ME1: variants seen among roughly 807,000 people sequenced by gnomAD.
The protein encoded by ME1 is NADP-dependent malic enzyme.
Under a neutral mutation model 66.4 loss-of-function variants are expected in ME1, and 74 were observed. That is an observed-to-expected ratio of 1.11 (90% CI 0.92 to 1.35). ME1 has a LOEUF of 1.35. Ranked by LOEUF, ME1 falls within the 40% of genes most tolerant of loss-of-function variation. ME1 has a pLI of 0.00. For synonymous variants in ME1, 251 were observed against 235.6 expected (o/e 1.07, Z -0.60); for missense variants, 750 against 694.1 (o/e 1.08, Z -0.90).
intron 6 of ME1, among the ~76,000 whole-genome samples, chr6:83,285,746 T>C (rs1767385542): frequency 1.3e-5 from 2 of 152,180 alleles, no homozygotes; most frequent in Admixed American, 6.5e-5. Context: ...TGGAATGCCA[T>C]TGAATGAAAC....
At position 83,282,896 on chromosome 6, in the gene ME1, T is replaced by C. The variant is rs1767324062; in HGVS notation, c.705-29158A>G. Among the ~76,000 whole-genome samples the C allele has an allele frequency of 3.3e-5, 5 of 152,116 alleles. No individual in the cohort carries two copies. In the South Asian group the frequency reaches 1.0e-3, roughly 32 times the overall value. On this transcript the variant is annotated intron_variant, in intron 6 of 13. Coordinates refer to ENST00000369705, the MANE Select transcript of ME1 (RefSeq NM_002395.6). ...AATGATAGACTGGGTAAAGAAAATGTGGCACATATACAACATGGATTACTA... is the reference window on the plus strand; with the variant it reads ...AATGATAGACTGGGTAAAGAAAATGCGGCACATATACAACATGGATTACTA...
chr6:83,384,901 T>C (rs1453521757), intron 3 of ME1, among the ~76,000 whole-genome samples: 2 of 151,974 alleles, frequency 1.3e-5, no homozygotes, highest in East Asian at 3.8e-4. Context: ...CCATTGTTTG[T>C]TATTGTTGAC....
At chr6:83,212,862 T>C (rs1789920269) in intron 13 of ME1, among the ~76,000 whole-genome samples, 1 of 152,108 alleles carries the variant, frequency 6.6e-6, no homozygotes, top group Non-Finnish European at 1.5e-5. Context: ...CATCATCATA[T>C]CACATCATGG....
chr6:83,406,653 C>A (rs1487043616), intron 2 of ME1, among the ~76,000 whole-genome samples: 1 of 152,130 alleles, frequency 6.6e-6, no homozygotes, highest in Non-Finnish European at 1.5e-5. Context: ...GGTGTATCAA[C>A]ATTTGGTCAA....
chr6:83,247,368 T>C (rs756212185), intron 7 of ME1, among the ~76,000 whole-genome samples: 1 of 152,144 alleles, frequency 6.6e-6, no homozygotes, highest in Non-Finnish European at 1.5e-5. Context: ...TTTTCCAGTT[T>C]AAAATAATTT....
At chr6:83,289,128 G>T in intron 6 of ME1, among the ~76,000 whole-genome samples, 1 of 152,308 alleles carries the variant, frequency 6.6e-6, no homozygotes, top group South Asian at 2.1e-4. Flanking sequence ...CTTCCTACTT[G>T]AATACCCCTT....
At chr6:83,341,514 A>C (rs1262787943) in intron 5 of ME1, among the ~76,000 whole-genome samples, 1 of 152,128 alleles carries the variant, frequency 6.6e-6, no homozygotes, top group Non-Finnish European at 1.5e-5. Context: ...GGGTACAGCT[A>C]AACTACCTTT....
chr6:83,411,219 C>A (rs1192073619), intron 1 of ME1, among the ~76,000 whole-genome samples: 2 of 152,098 alleles, frequency 1.3e-5, no homozygotes, highest in African/African-American at 2.4e-5. Context: ...CAAAAGTTAG[C>A]CGGGCGTGGT....
At chr6:83,368,620 C>T (rs1191848896) in intron 3 of ME1, among the ~76,000 whole-genome samples, 1 of 152,062 alleles carries the variant, frequency 6.6e-6, no homozygotes, top group African/African-American at 2.4e-5. Flanking sequence ...AATTAAAATG[C>T]CATATAACTA....
chr6:83,222,801 A>C (rs1790117797), intron 12 of ME1, among the ~76,000 whole-genome samples: 1 of 152,174 alleles, frequency 6.6e-6, no homozygotes, highest in South Asian at 2.1e-4. Context: ...AATTGTGGCT[A>C]ACTTGTTAGC....
chr6:83,235,901 A>T (rs1433789956), intron 9 of ME1, among the ~76,000 whole-genome samples: 2 of 152,088 alleles, frequency 1.3e-5, no homozygotes, highest in Non-Finnish European at 2.9e-5. Flanking sequence ...TATTAATTTT[A>T]AAAAACAAAT....
At chr6:83,403,356 G>A (rs1001285573) in intron 2 of ME1, among the ~76,000 whole-genome samples, 2 of 152,270 alleles carry the variant, frequency 1.3e-5, no homozygotes, top group African/African-American at 2.4e-5. Flanking sequence ...AGTTTTGTAG[G>A]CCAGGAAGTT....
chr6:83,331,111 C>T (rs1253736231), intron 5 of ME1, among the ~76,000 whole-genome samples: 4 of 152,100 alleles, frequency 2.6e-5, no homozygotes, highest in Admixed American at 6.5e-5. Flanking sequence ...TCATTCTGCC[C>T]GTGACCTCTT....
intron 6 of ME1, among the ~76,000 whole-genome samples, chr6:83,261,821 C>T (rs1766897182): frequency 2.0e-5 from 3 of 151,882 alleles, no homozygotes; most frequent in African/African-American, 7.3e-5. Context: ...CGAGACCAGC[C>T]TGGCCAACAT....
intron 6 of ME1, among the ~76,000 whole-genome samples, chr6:83,281,825 A>G (rs1457971861): frequency 4.2e-5 from 6 of 143,260 alleles, no homozygotes; most frequent in East Asian, 2.1e-4. Context: ...AAAAAAAAAA[A>G]AAAAAAAAAA....
intron 2 of ME1, among the ~76,000 whole-genome samples, chr6:83,404,157 C>G (rs1247657892): frequency 6.6e-6 from 1 of 152,140 alleles, no homozygotes; most frequent in African/African-American, 2.4e-5. Context: ...TACAGCCTCA[C>G]CAGCATCTGT....
chr6:83,391,952 T>C (rs1769630065), intron 3 of ME1, among the ~76,000 whole-genome samples: 1 of 152,228 alleles, frequency 6.6e-6, no homozygotes, highest in South Asian at 2.1e-4. Flanking sequence ...CCTGTTCTCT[T>C]TCTCCATAAC....
intron 6 of ME1, among the ~76,000 whole-genome samples, chr6:83,275,211 G>A (rs1449255531): frequency 6.6e-6 from 1 of 151,788 alleles, no homozygotes; most frequent in African/African-American, 2.4e-5. Flanking sequence ...CCAGGCGCCA[G>A]TAATCCCAGC....
At chr6:83,364,083 G>A (rs1266533938) in intron 3 of ME1, among the ~76,000 whole-genome samples, 2 of 152,114 alleles carry the variant, frequency 1.3e-5, no homozygotes, top group Non-Finnish European at 2.9e-5. Context: ...CTGTGAGGGT[G>A]TTGCCAAAGG....
Sources: allele counts gnomAD v4.1 joint callset (sites outside exome capture counted in the v4.1 genomes callset), GRCh38; gene constraint gnomAD v4.1.1; transcripts MANE v1.5; gene names NCBI Gene and HGNC (gene_info 2026-07-23, HGNC 2026-07-21).